Variants in SPAG16 observed in about 807,000 individuals in gnomAD.
The protein encoded by SPAG16 is sperm-associated antigen 16 protein.
A neutral mutation model predicts 80.4 loss-of-function variants in SPAG16; 86 were observed. The observed-to-expected ratio is 1.07, with a 90% CI of 0.90 to 1.28. The LOEUF (loss-of-function observed/expected upper bound fraction) is 1.28. Ranked by LOEUF, SPAG16 falls within the 50% of genes most tolerant of loss-of-function variation. The probability of loss-of-function intolerance (pLI) is 0.00; values close to 1 mark genes in which losing one functional copy is unlikely to be tolerated. For missense variants in SPAG16, 870 were observed against 765.3 expected, an observed-to-expected ratio of 1.14 and a Z score of -1.61; for synonymous variants, 294 against 265.9, an observed-to-expected ratio of 1.11 and a Z score of -1.03.
intron 9 of SPAG16, among the ~76,000 whole-genome samples, chr2:213,379,676 A>G (rs745995517): frequency 6.6e-6 from 1 of 152,176 alleles, no homozygotes; most frequent in African/African-American, 2.4e-5. Context: ...GTCCAGTATA[A>G]TCAATCTGCC....
At chr2:214,173,949 A>G (rs1021483020) in intron 15 of SPAG16, among the ~76,000 whole-genome samples, 2 of 151,956 alleles carry the variant, frequency 1.3e-5, no homozygotes, top group African/African-American at 4.8e-5. Context: ...GTAATCCAGC[A>G]TATAAACAGA....
chr2:213,487,682 T>C (rs754215244), intron 9 of SPAG16, among the ~76,000 whole-genome samples: 44 of 152,140 alleles, frequency 2.9e-4, no homozygotes, highest in Non-Finnish European at 1.0e-4. Flanking sequence ...AGGACCTAGT[T>C]GATTAGGTCG....
intron 12 of SPAG16, among the ~76,000 whole-genome samples, chr2:214,013,591 G>A (rs1410273850): frequency 6.6e-6 from 1 of 152,074 alleles, no homozygotes; most frequent in African/African-American, 2.4e-5. Context: ...AGTAATGACT[G>A]AAAAAGTTTA....
At chr2:213,792,272 G>A (rs2070746723) in intron 10 of SPAG16, among the ~76,000 whole-genome samples, 1 of 152,210 alleles carries the variant, frequency 6.6e-6, no homozygotes, top group Non-Finnish European at 1.5e-5. Flanking sequence ...TGTACTGACT[G>A]TGCAATATTC....
At chr2:214,182,125 CTG>C (rs1415066213) in intron 15 of SPAG16, among the ~76,000 whole-genome samples, 1 of 151,460 alleles carries the variant, frequency 6.6e-6, no homozygotes, top group Non-Finnish European at 1.5e-5. Flanking sequence ...CTACCTTTTG[CTG>C]GAGATTTAAA....
chr2:213,880,309 T>A (rs2076296355), intron 11 of SPAG16, among the ~76,000 whole-genome samples: 1 of 152,238 alleles, frequency 6.6e-6, no homozygotes, highest in Non-Finnish European at 1.5e-5. Context: ...CTTTGCCCAC[T>A]TTTTAATGAG....
chr2:214,051,223 A>G (rs553222477), intron 13 of SPAG16, among the ~76,000 whole-genome samples: 18 of 152,364 alleles, frequency 1.2e-4, no homozygotes, highest in Admixed American at 6.5e-5. Flanking sequence ...TTTACATGCC[A>G]GTCTTTTATT....
intron 13 of SPAG16, among the ~76,000 whole-genome samples, chr2:214,030,974 T>A (rs192969932): frequency 1.3e-5 from 2 of 152,342 alleles, no homozygotes; most frequent in East Asian, 3.9e-4. Context: ...ATGTTTTATA[T>A]GATTCTTCAG....
intron 10 of SPAG16, among the ~76,000 whole-genome samples, chr2:213,707,714 C>T (rs2065819282): frequency 1.3e-5 from 2 of 151,962 alleles, no homozygotes; most frequent in South Asian, 2.1e-4. Flanking sequence ...TATCTTGACT[C>T]TCACTCAGTA....
intron 15 of SPAG16, among the ~76,000 whole-genome samples, chr2:214,354,158 A>G (rs896926489): frequency 2.0e-5 from 3 of 152,164 alleles, no homozygotes; most frequent in Non-Finnish European, 2.9e-5. Context: ...AATCAAAAAA[A>G]TGATATACAT....
At chr2:213,322,416 C>A (rs1227870515) in intron 5 of SPAG16, among the ~76,000 whole-genome samples, 1 of 144,618 alleles carries the variant, frequency 6.9e-6, no homozygotes, top group Non-Finnish European at 1.5e-5. Context: ...ACTTTAACAT[C>A]TTGCAGTCTG....
In SPAG16 at chr2:213,505,602, T is replaced by A. The variant is rs1265129155; in HGVS notation, c.1070+15512T>A. 2.0e-5 allele frequency among the ~76,000 whole-genome samples: 3 copies of A among 152,184 alleles called. No individual in the cohort carries two copies. The East Asian group carries it at 5.8e-4, about 29-fold the overall frequency. On this transcript the variant is annotated intron_variant, in intron 10 of 15. Coordinates refer to ENST00000331683, the MANE Select transcript of SPAG16 (RefSeq NM_024532.5). ...AAATAATACATAATTACGTACAACTTGTGGCAGCTTTGTATTTAGAGATAA... is the reference window on the plus strand; with the variant it reads ...AAATAATACATAATTACGTACAACTAGTGGCAGCTTTGTATTTAGAGATAA...
At chr2:214,074,741 C>A (rs1016805940) in intron 13 of SPAG16, among the ~76,000 whole-genome samples, 3 of 151,860 alleles carry the variant, frequency 2.0e-5, no homozygotes, top group African/African-American at 4.8e-5. Context: ...TTGAACAGTA[C>A]ATATACAAAA....
intron 10 of SPAG16, among the ~76,000 whole-genome samples, chr2:213,711,916 T>C (rs1157596449): frequency 6.6e-6 from 1 of 152,164 alleles, no homozygotes; most frequent in Non-Finnish European, 1.5e-5. Flanking sequence ...TTAATAAATG[T>C]GATTAGTTAA....
At chr2:213,807,545 C>G (rs560114693) in intron 10 of SPAG16, among the ~76,000 whole-genome samples, 1 of 152,218 alleles carries the variant, frequency 6.6e-6, no homozygotes, top group African/African-American at 2.4e-5. Flanking sequence ...GATGAATGGG[C>G]TAGGCACAAT....
chr2:213,859,880 G>T (rs1239776471), intron 10 of SPAG16, among the ~76,000 whole-genome samples: 3 of 152,182 alleles, frequency 2.0e-5, no homozygotes, highest in Non-Finnish European at 4.4e-5. Context: ...AAATAATACA[G>T]ATATGAACCC....
At chr2:214,061,981 GCACACACACACA>G (rs58582439) in intron 13 of SPAG16, among the ~76,000 whole-genome samples, 20 of 111,598 alleles carry the variant, frequency 1.8e-4, no homozygotes, top group South Asian at 1.8e-3. Flanking sequence ...ATAAAAGCAT[GCACACACACACA>G]CACACACACA....
At chr2:214,128,947 A>G (rs2054623534) in intron 14 of SPAG16, among the ~76,000 whole-genome samples, 1 of 151,756 alleles carries the variant, frequency 6.6e-6, no homozygotes, top group Admixed American at 6.7e-5. Context: ...TTGTCTTCTA[A>G]TCTACCCAGT....
intron 15 of SPAG16, among the ~76,000 whole-genome samples, chr2:214,320,600 AG>A (rs1365520504): frequency 1.3e-5 from 2 of 152,240 alleles, no homozygotes; most frequent in Non-Finnish European, 2.9e-5. Flanking sequence ...TCATGGCAGA[AG>A]GTGAAGGGGA....
Sources: allele counts gnomAD v4.1 joint callset (sites outside exome capture counted in the v4.1 genomes callset), GRCh38; gene constraint gnomAD v4.1.1; transcripts MANE v1.5; gene names NCBI Gene and HGNC (gene_info 2026-07-23, HGNC 2026-07-21).